The following MAP2 variants were observed in gnomAD, a reference collection of about 807,000 sequenced individuals.
MAP2 encodes the protein microtubule-associated protein 2.
In MAP2, 14 loss-of-function variants were observed where a neutral mutation model predicts 137.6. The observed-to-expected ratio is 0.10, with a 90% CI of 0.07 to 0.16. MAP2 has a LOEUF of 0.16. MAP2 is among the 10% of genes least tolerant of loss of function. MAP2 has a pLI of 1.00. For missense variants in MAP2, 2,088 were observed against 2,191.5 expected (o/e 0.95, Z 0.94); for synonymous variants, 786 against 782.3 (o/e 1.00, Z -0.08).
At chr2:209,494,962 G>A (rs544817717) in intron 1 of MAP2, among the ~76,000 whole-genome samples, 1 of 152,298 alleles carries the variant, frequency 6.6e-6, no homozygotes, top group Admixed American at 6.5e-5. Context: ...AAAAACAGAA[G>A]ATGAAAAAAT....
At chr2:209,700,396 A>C in intron 11 of MAP2, 58 bp downstream of exon 11, 1 of 1,300,990 alleles carries the variant, frequency 7.7e-7, no homozygotes, top group South Asian at 1.2e-5. Flanking sequence ...TATTAGCTGT[A>C]ACATCAGAAT....
At chr2:209,491,192 G>C (rs2059065740) in intron 1 of MAP2, among the ~76,000 whole-genome samples, 1 of 152,138 alleles carries the variant, frequency 6.6e-6, no homozygotes, top group African/African-American at 2.4e-5. Flanking sequence ...GCTCCTAAAT[G>C]ACTACTGGGT....
At chr2:209,578,443 A>ATCTG (rs1434699871) in intron 2 of MAP2, among the ~76,000 whole-genome samples, 5 of 151,092 alleles carry the variant, frequency 3.3e-5, no homozygotes, top group Admixed American at 3.3e-4. Context: ...GAAACATATC[A>ATCTG]TCTGTCTCTC....
chr2:209,465,559 G>A (rs1404315673), intron 1 of MAP2, among the ~76,000 whole-genome samples: 2 of 152,130 alleles, frequency 1.3e-5, no homozygotes, highest in Non-Finnish European at 1.5e-5. Context: ...GTGAGAACAT[G>A]TTGAAAAGCA....
intron 1 of MAP2, among the ~76,000 whole-genome samples, chr2:209,432,977 G>C (rs890708512): frequency 1.3e-5 from 2 of 152,086 alleles, no homozygotes. Flanking sequence ...GGGATTCACT[G>C]TCTCTGTCTC....
chr2:209,497,325 G>A (rs1405310800), intron 1 of MAP2, among the ~76,000 whole-genome samples: 17 of 152,110 alleles, frequency 1.1e-4, no homozygotes, highest in African/African-American at 2.7e-4. Flanking sequence ...TTCTTTCTCC[G>A]CCATGTGAGG....
chr2:209,449,570 T>C (rs1186674086), intron 1 of MAP2, among the ~76,000 whole-genome samples: 1 of 152,096 alleles, frequency 6.6e-6, no homozygotes, highest in Non-Finnish European at 1.5e-5. Flanking sequence ...ATATATAAAA[T>C]ATAGAAATTG....
intron 1 of MAP2, among the ~76,000 whole-genome samples, chr2:209,449,611 AAAG>A (rs1439260125): frequency 6.6e-6 from 1 of 152,170 alleles, no homozygotes; most frequent in Non-Finnish European, 1.5e-5. Context: ...AGCATAAAAT[AAAG>A]AATAATTTCA....
chr2:209,683,356 C>T (rs2055585169), intron 7 of MAP2, among the ~76,000 whole-genome samples: 1 of 152,006 alleles, frequency 6.6e-6, no homozygotes, highest in Non-Finnish European at 1.5e-5. Flanking sequence ...ATCTGAAGTT[C>T]TGATTATTTG....
intron 4 of MAP2, among the ~76,000 whole-genome samples, chr2:209,642,544 T>A (rs952157858): frequency 8.5e-5 from 13 of 152,284 alleles, no homozygotes; most frequent in Admixed American, 8.5e-4. Context: ...ACTATCTATT[T>A]CTAGCAATAA....
At chr2:209,690,155 T>C (rs2058416428) in intron 7 of MAP2, among the ~76,000 whole-genome samples, 1 of 152,180 alleles carries the variant, frequency 6.6e-6, no homozygotes. Context: ...GCTTCCTGCA[T>C]TGGCGAAAAC....
At chr2:209,646,547 T>TG (rs1348037350) in intron 4 of MAP2, among the ~76,000 whole-genome samples, 2 of 152,190 alleles carry the variant, frequency 1.3e-5, no homozygotes, top group Non-Finnish European at 2.9e-5. Context: ...CAGTAGAAAT[T>TG]GAATTGTTGA....
At chr2:209,629,203 A>T (rs1438303251) in intron 4 of MAP2, among the ~76,000 whole-genome samples, 1 of 152,218 alleles carries the variant, frequency 6.6e-6, no homozygotes, top group African/African-American at 2.4e-5. Context: ...TTTTAACTAA[A>T]TAATAATACT....
intron 1 of MAP2, among the ~76,000 whole-genome samples, chr2:209,444,368 T>G (rs1698540682): frequency 6.6e-6 from 1 of 151,656 alleles, no homozygotes; most frequent in South Asian, 2.1e-4. Context: ...GCCTAAATAT[T>G]ACATAGGTGA....
chr2:209,710,332 C>G, intron 13 of MAP2, 78 bp downstream of exon 13: 1 of 1,244,978 alleles, frequency 8.0e-7, no homozygotes, highest in Non-Finnish European at 1.1e-6. Flanking sequence ...ACTAACAGTT[C>G]TTAAAAGGGA....
rs149908332 is a variant in MAP2, at chr2:209,488,141, A to G, written c.-221-19451A>G. On this transcript the variant is annotated intron_variant, in intron 1 of 15. Transcript: ENST00000682079. ...GGCGCAGCCCATGGAGGTCGAGCAG[A>G]AGCAGGGTGGGGTGTCGCCTCACCC... Among the ~76,000 whole-genome samples the G allele has an allele frequency of 1.1e-3, 168 of 152,274 alleles. No homozygotes were observed. In the Middle Eastern group the frequency reaches 0.014, roughly 12 times the overall value.
At chr2:209,598,568 A>T (rs1306399884) in intron 3 of MAP2, among the ~76,000 whole-genome samples, 2 of 148,058 alleles carry the variant, frequency 1.4e-5, no homozygotes, top group Non-Finnish European at 3.0e-5. Flanking sequence ...ATCTAGCATT[A>T]GGTATATCTC....
At chr2:209,583,742 A>G (rs1156612957) in intron 3 of MAP2, among the ~76,000 whole-genome samples, 3 of 150,726 alleles carry the variant, frequency 2.0e-5, no homozygotes, top group Non-Finnish European at 2.9e-5. Flanking sequence ...ACCAAGGCTC[A>G]CTGGTACCGT....
chr2:209,553,372 C>G (rs1392411831), intron 2 of MAP2, among the ~76,000 whole-genome samples: 1 of 152,104 alleles, frequency 6.6e-6, no homozygotes, highest in African/African-American at 2.4e-5. Flanking sequence ...TACCGTACAT[C>G]ATTAAAAGAG....
Sources: allele counts gnomAD v4.1 joint callset (sites outside exome capture counted in the v4.1 genomes callset), GRCh38; gene constraint gnomAD v4.1.1; transcripts MANE v1.5; gene names NCBI Gene and HGNC (gene_info 2026-07-23, HGNC 2026-07-21).